Variants in NOTCH2 observed in about 807,000 individuals in gnomAD.
NOTCH2 encodes the protein neurogenic locus notch homolog protein 2.
A neutral mutation model predicts 235.8 loss-of-function variants in NOTCH2; 29 were observed. The ratio of observed to expected loss-of-function variants is 0.12; its 90% CI spans 0.09 to 0.17. The LOEUF (loss-of-function observed/expected upper bound fraction) is 0.17. Ranked by LOEUF, NOTCH2 falls within the 10% of genes least tolerant of loss-of-function variation. The probability of loss-of-function intolerance (pLI) is 1.00; values close to 1 mark genes in which losing one functional copy is unlikely to be tolerated. For synonymous variants in NOTCH2, 1,086 were observed against 1,141.5 expected (o/e 0.95, Z 0.98); for missense variants, 2,285 against 3,150.2 (o/e 0.73, Z 6.57).
chr1:119,925,050 T>A lies in NOTCH2; in HGVS notation c.4511+255A>T, dbSNP rs927182963. Among the ~76,000 whole-genome samples the A allele has an allele frequency of 4.6e-5, 7 of 151,818 alleles. No homozygotes were observed. The South Asian group carries it at 6.2e-4, about 14-fold the overall frequency. On this transcript the variant is annotated intron_variant, in intron 25 of 33. Transcript: ENST00000256646. ...GGAAACACCACTTCCAAAAGTTATATCCCCCAGGAGGTCACGAAGGCAGCA... is the reference window on the plus strand; with the variant it reads ...GGAAACACCACTTCCAAAAGTTATAACCCCCAGGAGGTCACGAAGGCAGCA...
chr1:119,948,382 C>G, intron 17 of NOTCH2, 32 bp downstream of exon 17: 1 of 1,613,336 alleles, frequency 6.2e-7, no homozygotes, highest in Non-Finnish European at 8.5e-7. Flanking sequence ...TTCCTCTCCT[C>G]TGGGGGCTTA....
rs1441265935 is a variant in NOTCH2 at position 119,915,001 on chromosome 1, G to T, written c.*305C>A. 3 of 470,314 alleles carry T rather than the reference G, an allele frequency of 6.4e-6. No homozygotes were observed. The highest frequency in any genetic ancestry group is 1.2e-5 in the Non-Finnish European group (3 of 255,244). The allele number at this position is 470,314 out of a possible 1,614,324, so 29.1% of individuals were successfully genotyped here. A position where few individuals can be genotyped will look rare whatever the true frequency, so the allele number is the denominator to read the frequency against. On this transcript the variant is annotated 3_prime_UTR_variant, in exon 34 of 34. Transcript: ENST00000256646. ...TGCAGTCCAAGCTGCAAGAATGTCT[G>T]GGCTTCAATAAGCATCCATCTTATT... is the stretch of plus-strand genomic sequence containing the variant.
chr1:119,972,023 A>G (rs1314753831), intron 5 of NOTCH2, among the ~76,000 whole-genome samples: 1 of 151,734 alleles, frequency 6.6e-6, no homozygotes, highest in Non-Finnish European at 1.5e-5. Context: ...GAAAGTGAGA[A>G]CACTGAGGTA....
Position 119,922,408 on chromosome 1 carries a change from G to A in NOTCH2, c.5041C>T (p.Leu1681Phe), listed in dbSNP as rs2101154830. 6.2e-7 allele frequency: 1 copy of A among 1,613,940 alleles called. No individual in the cohort carries two copies. The highest frequency in any genetic ancestry group is 8.5e-7 in the Non-Finnish European group (1 of 1,179,952). Reference protein sequence around the residue: ...LTPERTQLLYLLAVAVVIILF... With the variant: ...LTPERTQLLYFLAVAVVIILF... ...ATGATGACAACAGCAACAGCAAGGA[G>A]ATAGAGGAGCTGAGTGCGTTCTGGA... Residue 1681 changes from leucine to phenylalanine, a missense_variant, in exon 28 of 34, where the codon CTC (leucine) becomes TTC (phenylalanine). Physicochemically the swap from Leu to Phe is conservative, Grantham distance 22. Coordinates refer to ENST00000256646, the MANE Select transcript of NOTCH2 (RefSeq NM_024408.4).
chr1:119,953,659 A>T lies in NOTCH2; in HGVS notation c.2249T>A (p.Val750Asp). The part of the protein sequence containing the change: ...GYKCLCDAGW[V>D]GINCEVDKNE... ...TTTGTCCACTTCACAGTTGATGCCA[A>T]CCCAGCCTGCATCACAGAGACACTT... The change falls in exon 14 of 34, where the codon GTT (valine) becomes GAT (aspartate). Residue 750 changes from valine to aspartate, a missense_variant. Physicochemically the swap from Val to Asp is radical, Grantham distance 152. This residue lies in a region of NOTCH2 where 1,173 missense variants were observed against 1,515.3 expected (regional missense o/e 0.77). Transcript: ENST00000256646. The T allele has an allele frequency of 6.2e-7, 1 of 1,614,162 alleles. No individual in the cohort carries two copies. The highest frequency in any genetic ancestry group is 8.5e-7 in the Non-Finnish European group (1 of 1,179,996).
intron 1 of NOTCH2, among the ~76,000 whole-genome samples, chr1:120,050,021 G>GAAGATAACCAGATATTA (rs1338180074): frequency 9.6e-6 from 1 of 104,166 alleles, no homozygotes; most frequent in Non-Finnish European, 2.1e-5. Context: ...ACTTCAGAAA[G>GAAGATAACCAGATATTA]AAGATAACCA....
At chr1:120,002,528 G>A (rs1285980462) in intron 3 of NOTCH2, among the ~76,000 whole-genome samples, 2 of 149,090 alleles carry the variant, frequency 1.3e-5, no homozygotes, top group African/African-American at 2.5e-5. Context: ...CTCTCCATCA[G>A]GAAAAAAAAA....
chr1:119,949,891 C>A (rs1227226772), intron 15 of NOTCH2, among the ~76,000 whole-genome samples: 3 of 152,090 alleles, frequency 2.0e-5, no homozygotes, highest in Non-Finnish European at 4.4e-5. Context: ...AAGTTATTGT[C>A]TATGTTTGTG....
chr1:119,932,528 G>A (rs1414662132), intron 22 of NOTCH2, among the ~76,000 whole-genome samples: 8 of 151,968 alleles, frequency 5.3e-5, no homozygotes, highest in African/African-American at 1.5e-4. Context: ...CGGAGGTTGC[G>A]GTGAGCTGAG....
At chr1:120,045,906 C>T (rs1364907921) in intron 1 of NOTCH2, among the ~76,000 whole-genome samples, 2 of 152,282 alleles carry the variant, frequency 1.3e-5, no homozygotes, top group Non-Finnish European at 2.9e-5. Context: ...AGACCATCCA[C>T]TGGGGCACTG....
chr1:119,978,121 G>A lies in NOTCH2; in HGVS notation c.875-8377C>T, dbSNP rs75421747. On this transcript the variant is annotated intron_variant, in intron 5 of 33. Coordinates refer to ENST00000256646, the MANE Select transcript of NOTCH2 (RefSeq NM_024408.4). ...TTTTAAGAGAAGGCCTGGGAGGAGC[G>A]TGCCAGGTTGTGAAAGAGGGGAGAA... is the stretch of plus-strand genomic sequence containing the variant. 2.8e-3 allele frequency among the ~76,000 whole-genome samples: 424 copies of A among 152,248 alleles called. 4 individuals carry two copies. Among genetic ancestry groups the A allele is most frequent in the East Asian group, 0.018 (93 of 5,176 alleles).
At chr1:119,920,085 C>T (rs1179050684) in intron 30 of NOTCH2, 144 bp downstream of exon 30, 2 of 854,962 alleles carry the variant, frequency 2.3e-6, no homozygotes, top group Non-Finnish European at 3.7e-6. Context: ...GGCTACATTC[C>T]TTAAGCATTC....
chr1:119,925,161 C>A, intron 25 of NOTCH2, 144 bp downstream of exon 25: 1 of 959,258 alleles, frequency 1.0e-6, no homozygotes, highest in Non-Finnish European at 1.7e-6. Flanking sequence ...GAGCACAGGG[C>A]AGTGTGCGAT....
chr1:119,938,038 A>ATCAAAAT (rs781783427), intron 19 of NOTCH2, 28 bp from the exon 20 acceptor site: 4 of 1,611,424 alleles, frequency 2.5e-6, no homozygotes. Context: ...GTGTACATAC[A>ATCAAAAT]TCAAAATTCA....
Position 119,949,077 on chromosome 1 carries a change from C to T in NOTCH2, c.2529G>A (p.Glu843=), listed in dbSNP as rs2101115654. 6.2e-7 allele frequency: 1 copy of T among 1,614,200 alleles called. No individual in the cohort carries two copies. Among genetic ancestry groups the T allele is most frequent in the Non-Finnish European group, 8.5e-7 (1 of 1,180,014 alleles). The part of the protein sequence containing the change: ...VLAPCSPNPC[E]NAAVCKESPN... ...GTGACTCTTTGCAAACAGCAGCATT[C>T]TCACAAGGGTTTGGGGAACAGGGAG... The change falls in exon 16 of 34, where the codon GAG becomes GAA. Residue 843 remains glutamate (E), a synonymous_variant. Transcript: ENST00000256646.
chr1:120,069,034 C>T, intron 1 of NOTCH2: 1 of 1,408,964 alleles, frequency 7.1e-7, no homozygotes, highest in Non-Finnish European at 9.5e-7. Context: ...CCTCCCTGCA[C>T]CCTGGCACTA....
At chr1:120,000,726 C>T (rs868955945) in intron 3 of NOTCH2, among the ~76,000 whole-genome samples, 3,880 of 148,714 alleles carry the variant, frequency 0.026, no homozygotes, top group East Asian at 0.11. Context: ...CCCTACTTTG[C>T]CTCCTAATAG....
At chr1:119,977,679 A>G (rs190254597) in intron 5 of NOTCH2, among the ~76,000 whole-genome samples, 2 of 152,320 alleles carry the variant, frequency 1.3e-5, no homozygotes, top group East Asian at 3.9e-4. Flanking sequence ...TTGATTGTCA[A>G]CTATAGTCTT....
At position 119,916,402 on chromosome 1, in the gene NOTCH2, C is replaced by T. The variant is rs1031665170; in HGVS notation, c.6320G>A (p.Ser2107Asn). 1.2e-6 allele frequency: 2 copies of T among 1,614,192 alleles called. No individual in the cohort carries two copies. Among genetic ancestry groups the T allele is most frequent in the Non-Finnish European group, 1.7e-6 (2 of 1,180,020 alleles). The change falls in exon 34 of 34, where the codon AGT becomes AAT. Residue 2107 changes from serine to asparagine, a missense_variant. Transcript: ENST00000256646. ...TPMGKKSRRP[S>N]AKSTMPTSLP... ...GCTAGTAGGCATGGTACTCTTGGCA[C>T]TGGGCCGTCTAGACTTCTTGCCCAT... is the stretch of plus-strand genomic sequence containing the variant.
Sources: gnomAD v4.1 joint callset for allele counts (sites outside exome capture counted in the v4.1 genomes callset) on GRCh38, gnomAD v4.1.1 for gene constraint, gnomAD v4.1.1 regional missense constraint, MANE v1.5 for transcripts, NCBI Gene and HGNC (gene_info 2026-07-23, HGNC 2026-07-21) for gene names.